Variants in PACSIN1 observed in about 807,000 individuals in gnomAD.
PACSIN1 encodes protein kinase C and casein kinase substrate in neurons 1.
PACSIN1 carries 15 observed loss-of-function variants against 59.5 expected under a neutral mutation model. The ratio of observed to expected loss-of-function variants is 0.25; its 90% CI spans 0.17 to 0.39. The LOEUF (loss-of-function observed/expected upper bound fraction) is 0.39. PACSIN1 is among the 10% of genes least tolerant of loss of function. The probability of loss-of-function intolerance (pLI) is 1.00; values close to 1 mark genes in which losing one functional copy is unlikely to be tolerated. For missense variants in PACSIN1, 420 were observed against 580.2 expected, an observed-to-expected ratio of 0.72 and a Z score of 2.84; for synonymous variants, 210 against 220.6, an observed-to-expected ratio of 0.95 and a Z score of 0.42.
At chr6:34,508,001 C>T (rs185624129) in intron 1 of PACSIN1, among the ~76,000 whole-genome samples, 3 of 152,264 alleles carry the variant, frequency 2.0e-5, no homozygotes, top group East Asian at 3.9e-4. Context: ...AATAATGCTG[C>T]GATGAACACA....
intron 1 of PACSIN1, among the ~76,000 whole-genome samples, chr6:34,496,895 TA>T (rs550993628): frequency 2.7e-3 from 386 of 142,972 alleles, no homozygotes; most frequent in African/African-American, 8.9e-3. Context: ...AGTTTCAACT[TA>T]AAAAAAAAAT....
In PACSIN1 at chr6:34,514,779, GA is replaced by G. The variant is rs1283231268; in HGVS notation, c.-63-11461del. 1 of 152,586 alleles carries G rather than the reference GA, an allele frequency of 6.6e-6. No homozygotes were observed. Among genetic ancestry groups the G allele is most frequent in the Non-Finnish European group, 1.5e-5 (1 of 68,184 alleles). 9.5% of individuals were successfully genotyped at this position (152,586 alleles called of 1,614,324 possible). A position where few individuals can be genotyped will look rare whatever the true frequency, so the allele number is the denominator to read the frequency against. On this transcript the variant is annotated intron_variant, in intron 1 of 9. Transcript: ENST00000244458. This position sits in a 1 kb window ranked among gnomAD's most constrained non-coding sequence, Gnocchi z 4.4. ...TGCAGAGCATTGCCCAGTTGCCATA[GA>G]AACGAGCAGAAGGAGGTGGGTGGCT...
chr6:34,527,288 A>G (rs1053022237), intron 2 of PACSIN1, 44 bp from the exon 3 acceptor site: 1 of 1,444,200 alleles, frequency 6.9e-7, no homozygotes, highest in Non-Finnish European at 9.2e-7. Context: ...GGGGCTGGGG[A>G]CGCTGGGAAC....
chr6:34,492,844 A>C lies in PACSIN1; in HGVS notation c.-64+26574A>C, dbSNP rs536484289. ...GGAAGGAGGGAGCTGTGGGTCATGA[A>C]ACTACCTACTGGATAGTATGCTCAC... is the stretch of plus-strand genomic sequence containing the variant. On this transcript the variant is annotated intron_variant, in intron 1 of 9. Transcript: ENST00000244458. Among the ~76,000 whole-genome samples the C allele has an allele frequency of 2.6e-5, 4 of 152,360 alleles. No homozygotes were observed. The East Asian group carries it at 7.7e-4, about 29-fold the overall frequency.
chr6:34,512,200 G>A (rs1244629702), intron 1 of PACSIN1, among the ~76,000 whole-genome samples: 2 of 152,054 alleles, frequency 1.3e-5, no homozygotes, highest in East Asian at 1.9e-4. Context: ...TGACAGTGGG[G>A]GTGGGCTGAG....
In PACSIN1 at chr6:34,529,975, C is replaced by A; in HGVS notation, c.788+134C>A. On this transcript the variant is annotated intron_variant, in intron 6 of 9. Transcript: ENST00000244458. The surrounding 1 kb of genome is among the most constrained non-coding windows in gnomAD (Gnocchi z 6.3). ...GCTGCAGGGGTCAAGAAGGATGAGG[C>A]TTCAAACACAGGGGCTGTTGAGTGC... 9.3e-7 allele frequency: 1 copy of A among 1,075,204 alleles called. No homozygotes were observed. Among genetic ancestry groups the A allele is most frequent in the Non-Finnish European group, 1.3e-6 (1 of 749,486 alleles). 66.6% of individuals were successfully genotyped at this position (1,075,204 alleles called of 1,614,324 possible). A position where few individuals can be genotyped will look rare whatever the true frequency, so the allele number is the denominator to read the frequency against.
rs544548504 is a variant in PACSIN1, at chr6:34,493,673, G to A, written c.-64+27403G>A. On this transcript the variant is annotated intron_variant, in intron 1 of 9. Coordinates refer to ENST00000244458, the MANE Select transcript of PACSIN1 (RefSeq NM_020804.5). Reference sequence around the variant, plus strand: ...ACCAGTGCTCCCCAATGGGTAGGAGGACGTGAGATGTGGGGAGCCCTTGGA... The same window carrying A: ...ACCAGTGCTCCCCAATGGGTAGGAGAACGTGAGATGTGGGGAGCCCTTGGA... 6.9e-4 allele frequency among the ~76,000 whole-genome samples: 105 copies of A among 152,336 alleles called. 1 individual carries two copies. In the South Asian group the frequency reaches 0.02, roughly 30 times the overall value.
At chr6:34,477,854 T>A (rs1766659374) in intron 1 of PACSIN1, among the ~76,000 whole-genome samples, 1 of 151,194 alleles carries the variant, frequency 6.6e-6, no homozygotes, top group Admixed American at 6.6e-5. Context: ...GCTTGAGCTA[T>A]CCTCACAACT....
chr6:34,523,974 G>A (rs1396913706), intron 1 of PACSIN1, among the ~76,000 whole-genome samples: 5 of 152,284 alleles, frequency 3.3e-5, no homozygotes, highest in African/African-American at 4.8e-5. Flanking sequence ...CAGTCATTTC[G>A]TCCTCATTTC....
At chr6:34,480,884 A>G (rs761147000) in intron 1 of PACSIN1, among the ~76,000 whole-genome samples, 12 of 150,770 alleles carry the variant, frequency 8.0e-5, no homozygotes, top group Non-Finnish European at 1.8e-4. Flanking sequence ...ACATTCTTGC[A>G]GGTATGTGGT....
chr6:34,528,481 G>A (rs778154117), intron 3 of PACSIN1, among the ~76,000 whole-genome samples, 161 bp from the exon 4 acceptor site: 4 of 152,336 alleles, frequency 2.6e-5, no homozygotes, highest in Non-Finnish European at 4.4e-5. Flanking sequence ...CTTCCTGGAG[G>A]TGGTGGCTGA....
chr6:34,472,199 G>A (rs559132729), intron 1 of PACSIN1, among the ~76,000 whole-genome samples: 1 of 148,808 alleles, frequency 6.7e-6, no homozygotes, highest in Admixed American at 6.9e-5. Flanking sequence ...TTGAGCCCAG[G>A]AGGCGGAGGT....
At chr6:34,479,400 C>T (rs752003799) in intron 1 of PACSIN1, among the ~76,000 whole-genome samples, 4 of 152,060 alleles carry the variant, frequency 2.6e-5, no homozygotes, top group Non-Finnish European at 5.9e-5. Flanking sequence ...AAATATGCAT[C>T]CAAAACCAAA....
intron 1 of PACSIN1, among the ~76,000 whole-genome samples, chr6:34,495,428 C>T (rs1766933726): frequency 6.6e-6 from 1 of 151,964 alleles, no homozygotes; most frequent in Non-Finnish European, 1.5e-5. Flanking sequence ...GAATCAGAAT[C>T]TCCAACGTGG....
At position 34,516,991 on chromosome 6, in the gene PACSIN1, G is replaced by C. The variant is rs890221167; in HGVS notation, c.-63-9252G>C. Among the ~76,000 whole-genome samples the C allele has an allele frequency of 6.6e-6, 1 of 152,212 alleles. No individual in the cohort carries two copies. The highest frequency in any genetic ancestry group is 1.9e-4 in the East Asian group (1 of 5,160). On this transcript the variant is annotated intron_variant, in intron 1 of 9. Coordinates refer to ENST00000244458, the MANE Select transcript of PACSIN1 (RefSeq NM_020804.5). This position sits in a 1 kb window ranked among gnomAD's most constrained non-coding sequence, Gnocchi z 5.4. ...CCCCTCCTCACTGCCCTTGACCCCCGTGCAGGAGCTGGCAAGGGTGAGGAG... is the reference window on the plus strand; with the variant it reads ...CCCCTCCTCACTGCCCTTGACCCCCCTGCAGGAGCTGGCAAGGGTGAGGAG...
intron 1 of PACSIN1, among the ~76,000 whole-genome samples, chr6:34,478,629 C>T (rs942440745): frequency 4.5e-4 from 69 of 152,190 alleles, no homozygotes; most frequent in African/African-American, 1.5e-3. Context: ...CCTCGGCCTC[C>T]CGAAGTGCTG....
At chr6:34,476,283 T>C (rs1207801622) in intron 1 of PACSIN1, among the ~76,000 whole-genome samples, 1 of 152,182 alleles carries the variant, frequency 6.6e-6, no homozygotes, top group Admixed American at 6.5e-5. Flanking sequence ...CATCTTCAGA[T>C]GGGTAAGCTG....
At chr6:34,475,585 A>C (rs1014485868) in intron 1 of PACSIN1, among the ~76,000 whole-genome samples, 1 of 152,172 alleles carries the variant, frequency 6.6e-6, no homozygotes, top group East Asian at 1.9e-4. Flanking sequence ...CATTGTCTGC[A>C]AGCTGCTCCC....
intron 1 of PACSIN1, among the ~76,000 whole-genome samples, chr6:34,520,369 C>T (rs1269009708): frequency 2.6e-5 from 4 of 152,176 alleles, no homozygotes; most frequent in African/African-American, 4.8e-5. Flanking sequence ...TCTGGTTTCC[C>T]CATGTCCCTG....
Sources: gnomAD v4.1 joint callset for allele counts (sites outside exome capture counted in the v4.1 genomes callset) on GRCh38, gnomAD v4.1.1 for gene constraint, Gnocchi (gnomAD v3.1) non-coding constraint, MANE v1.5 for transcripts, NCBI Gene and HGNC (gene_info 2026-07-23, HGNC 2026-07-21) for gene names.